Variants in ABCC12 observed in about 807,000 individuals in gnomAD.
ABCC12 encodes the protein ATP binding cassette subfamily C member 12.
In ABCC12, 142 loss-of-function variants were observed where a neutral mutation model predicts 151.1. The ratio of observed to expected loss-of-function variants is 0.94; its 90% CI spans 0.82 to 1.08. The LOEUF (loss-of-function observed/expected upper bound fraction) is 1.08. ABCC12 is among the 50% of genes least tolerant of loss of function. The pLI is 0.00. For missense variants in ABCC12, 1,638 were observed against 1,691.1 expected, an observed-to-expected ratio of 0.97 and a Z score of 0.55; for synonymous variants, 645 against 646.4, an observed-to-expected ratio of 1.00 and a Z score of 0.03.
rs1396555678 is a variant in ABCC12 at position 48,083,515 on chromosome 16, C to G, written c.*200G>C. The G allele has an allele frequency of 1.6e-6, 1 of 635,132 alleles. No individual in the cohort carries two copies. The highest frequency in any genetic ancestry group is 2.7e-6 in the Non-Finnish European group (1 of 368,450). 39.3% of individuals were successfully genotyped at this position (635,132 alleles called of 1,614,324 possible). A position where few individuals can be genotyped will look rare whatever the true frequency, so the allele number is the denominator to read the frequency against. ...GCTGGGTCTGCCCCGGTTCACCACC[C>G]AGAACCAACCCCAAGCCCACCAAGT... is the stretch of plus-strand genomic sequence containing the variant. On this transcript the variant is annotated 3_prime_UTR_variant, in exon 31 of 31. Transcript: ENST00000311303.
intron 26 of ABCC12, 88 bp downstream of exon 26, chr16:48,088,457 A>G (rs974772117): frequency 1.4e-5 from 20 of 1,435,854 alleles, no homozygotes; most frequent in Middle Eastern, 2.4e-4. Context: ...ACACATACAC[A>G]TCACTCTCTG....
chr16:48,141,489 C>T, intron 4 of ABCC12, 136 bp from the exon 5 acceptor site: 2 of 1,135,446 alleles, frequency 1.8e-6, no homozygotes, highest in Non-Finnish European at 2.5e-6. Flanking sequence ...AGCACTGGCT[C>T]AGCTTTCTGC....
chr16:48,103,447 A>T (rs989373133), intron 22 of ABCC12, among the ~76,000 whole-genome samples: 3 of 151,842 alleles, frequency 2.0e-5, no homozygotes, highest in African/African-American at 7.3e-5. Flanking sequence ...AGTCTCCCTG[A>T]TCCTCACAAG....
intron 16 of ABCC12, 41 bp from the exon 17 acceptor site, chr16:48,111,703 G>A: frequency 3.7e-6 from 6 of 1,614,054 alleles, no homozygotes; most frequent in Non-Finnish European, 5.1e-6. Flanking sequence ...CTAAGTGACA[G>A]GACCTCTCCC....
intron 11 of ABCC12, among the ~76,000 whole-genome samples, chr16:48,126,393 C>T (rs1454812305): frequency 1.3e-5 from 2 of 152,126 alleles, no homozygotes; most frequent in Admixed American, 6.5e-5. Context: ...AGCTGGGCTT[C>T]GGGATAACGA....
intron 15 of ABCC12, among the ~76,000 whole-genome samples, chr16:48,113,125 G>A (rs1482999068): frequency 6.6e-6 from 1 of 152,118 alleles, no homozygotes; most frequent in Non-Finnish European, 1.5e-5. Context: ...GTTCATCCAA[G>A]GTCAAATCAA....
intron 11 of ABCC12, among the ~76,000 whole-genome samples, chr16:48,127,839 G>A (rs1316018730): frequency 1.3e-5 from 2 of 152,150 alleles, no homozygotes; most frequent in Non-Finnish European, 2.9e-5. Flanking sequence ...CAAGACAGGA[G>A]AATCACTTGA....
chr16:48,084,035 G>A lies in ABCC12; in HGVS notation c.3867C>T (p.Ser1289=). The change falls in exon 30 of 31, where the codon TCC becomes TCT. Residue 1289 remains serine (S), a synonymous_variant. Coordinates refer to ENST00000311303, the MANE Select transcript of ABCC12 (RefSeq NM_001393797.1). ...LLDEATASMD[S]KTDTLVQNTI... is the part of the protein sequence containing the mutation. ...TGTTCTGAACCAGGGTGTCAGTCTT[G>A]GAGTCCATAGAGGCGGTGGCTTCAT... 1 of 1,612,476 alleles carries A rather than the reference G, an allele frequency of 6.2e-7. No homozygotes were observed. Among genetic ancestry groups the A allele is most frequent in the Non-Finnish European group, 8.5e-7 (1 of 1,179,672 alleles).
intron 19 of ABCC12, 73 bp downstream of exon 19, chr16:48,108,367 G>A (rs184051337): frequency 1.7e-5 from 23 of 1,339,208 alleles, no homozygotes; most frequent in African/African-American, 1.6e-4. Flanking sequence ...ATCATAAAAC[G>A]TGAACCCAAC....
chr16:48,094,793 A>G (rs56009985), intron 24 of ABCC12, among the ~76,000 whole-genome samples: 3,929 of 152,280 alleles, frequency 0.026, 171 homozygotes, highest in African/African-American at 0.091. Flanking sequence ...CCTGAAGTGA[A>G]GCCAGCCTAT....
chr16:48,141,001 G>T, intron 5 of ABCC12, 81 bp from the exon 6 acceptor site: 1 of 1,452,968 alleles, frequency 6.9e-7, no homozygotes, highest in Non-Finnish European at 9.4e-7. Context: ...ATGCCAGCAA[G>T]CTGACTTTAA....
chr16:48,086,023 C>G (rs1283739750), intron 28 of ABCC12, among the ~76,000 whole-genome samples: 2 of 152,088 alleles, frequency 1.3e-5, no homozygotes, highest in African/African-American at 4.8e-5. Flanking sequence ...ATTGCTGTTT[C>G]CAGGGACCAA....
At chr16:48,155,393 G>T (rs1017249115) in intron 1 of ABCC12, among the ~76,000 whole-genome samples, 1 of 144,334 alleles carries the variant, frequency 6.9e-6, no homozygotes, top group Non-Finnish European at 1.5e-5. Context: ...AAAAAAAAAA[G>T]AAAGAAAGAT....
At chr16:48,095,706 G>GA (rs370399592) in intron 24 of ABCC12, among the ~76,000 whole-genome samples, 70 of 135,312 alleles carry the variant, frequency 5.2e-4, no homozygotes, top group South Asian at 1.6e-3. Flanking sequence ...AATACAGTAA[G>GA]AAAAAAAAAA....
rs1962868109 is a variant in ABCC12 at position 48,091,125 on chromosome 16, T to C, written c.3280A>G (p.Ile1094Val). ...CTGATGCACTAATTTCTTACCGAAA[T>C]GTATTCCCTGAGCAGCTCCACGGAG... ...FTSVELLREY[I>V]STCVPECTHP... Residue 1094 changes from isoleucine (I) to valine (V), a missense_variant, in exon 25 of 31, where the codon ATT (isoleucine) becomes GTT (valine). Physicochemically the swap from Ile to Val is conservative, Grantham distance 29. Coordinates refer to ENST00000311303, the MANE Select transcript of ABCC12 (RefSeq NM_001393797.1). The C allele has an allele frequency of 2.5e-6, 4 of 1,614,170 alleles. No individual in the cohort carries two copies. The highest frequency in any genetic ancestry group is 3.4e-6 in the Non-Finnish European group (4 of 1,179,992).
intron 1 of ABCC12, among the ~76,000 whole-genome samples, chr16:48,154,603 G>A (rs909307275): frequency 1.3e-5 from 2 of 152,176 alleles, no homozygotes; most frequent in African/African-American, 4.8e-5. Flanking sequence ...AGTGTTTCCT[G>A]AGGCCTTTTT....
chr16:48,146,205 G>T, intron 3 of ABCC12, 101 bp downstream of exon 3: 2 of 1,030,178 alleles, frequency 1.9e-6, no homozygotes, highest in Non-Finnish European at 3.0e-6. Flanking sequence ...AGGACGAGCA[G>T]ATAGAGCAGC....
At chr16:48,149,446 T>A (rs1381882167) in intron 2 of ABCC12, among the ~76,000 whole-genome samples, 1 of 152,170 alleles carries the variant, frequency 6.6e-6, no homozygotes. Flanking sequence ...TCCAATGATA[T>A]GCTTCCTATG....
chr16:48,138,607 G>C (rs991002152), intron 7 of ABCC12, among the ~76,000 whole-genome samples: 1 of 152,110 alleles, frequency 6.6e-6, no homozygotes, highest in African/African-American at 2.4e-5. Flanking sequence ...AGAGAGTGCT[G>C]GGGGCTTTGA....
Sources: gnomAD v4.1 joint callset for allele counts (sites outside exome capture counted in the v4.1 genomes callset) on GRCh38, gnomAD v4.1.1 for gene constraint, MANE v1.5 for transcripts, NCBI Gene and HGNC (gene_info 2026-07-23, HGNC 2026-07-21) for gene names.